The following DLGAP2 variants were observed in gnomAD, a reference collection of about 807,000 sequenced individuals.
DLGAP2 encodes disks large-associated protein 2.
In DLGAP2, 26 loss-of-function variants were observed where a neutral mutation model predicts 100.3. The observed-to-expected ratio is 0.26, with a 90% CI of 0.19 to 0.36. The LOEUF is 0.36. Among genes scored for constraint, DLGAP2 ranks in the 10% least tolerant of loss-of-function variants. The probability of loss-of-function intolerance (pLI) is 1.00; values close to 1 mark genes in which losing one functional copy is unlikely to be tolerated. For missense variants in DLGAP2, 1,858 were observed against 1,453.2 expected, an observed-to-expected ratio of 1.28 and a Z score of -4.53; for synonymous variants, 886 against 630.1, an observed-to-expected ratio of 1.41 and a Z score of -6.08.
At chr8:1,575,625 C>CA (rs1802937784) in intron 6 of DLGAP2, among the ~76,000 whole-genome samples, 1 of 99,658 alleles carries the variant, frequency 1.0e-5, no homozygotes, top group Non-Finnish European at 1.8e-5. Context: ...CCCCTCCCCC[C>CA]ACCCCATAAC....
chr8:867,603 G>T (rs1226142827), intron 1 of DLGAP2, among the ~76,000 whole-genome samples: 1 of 152,226 alleles, frequency 6.6e-6, no homozygotes, highest in Non-Finnish European at 1.5e-5. Context: ...ATCTGAGAAG[G>T]CTGTGGATCT....
At chr8:877,008 T>A (rs953983437) in intron 1 of DLGAP2, among the ~76,000 whole-genome samples, 8 of 151,902 alleles carry the variant, frequency 5.3e-5, no homozygotes, top group African/African-American at 9.7e-5. Context: ...GGTTTTTTTT[T>A]TTTTTATTTT....
intron 1 of DLGAP2, among the ~76,000 whole-genome samples, chr8:891,794 T>C (rs1422023888): frequency 6.6e-6 from 1 of 152,072 alleles, no homozygotes; most frequent in Non-Finnish European, 1.5e-5. Flanking sequence ...GGGGAGGGCC[T>C]GGGAGAGATT....
intron 5 of DLGAP2, among the ~76,000 whole-genome samples, chr8:1,552,266 C>T: frequency 6.6e-6 from 1 of 152,206 alleles, no homozygotes; most frequent in East Asian, 1.9e-4. Flanking sequence ...AGGGAGCAGC[C>T]ACGGCTTTCA....
chr8:1,420,770 T>C (rs950523672), intron 3 of DLGAP2, among the ~76,000 whole-genome samples: 1 of 152,126 alleles, frequency 6.6e-6, no homozygotes, highest in African/African-American at 2.4e-5. Context: ...CTTGTTAACT[T>C]GGCCCTCCCA....
In DLGAP2 at chr8:1,336,346, G is replaced by C. The variant is rs193066012; in HGVS notation, c.106+77463G>C. Among the ~76,000 whole-genome samples the C allele has an allele frequency of 2.6e-3, 403 of 152,364 alleles. 1 individual carries two copies. Among genetic ancestry groups the C allele is most frequent in the African/African-American group, 9.3e-3 (388 of 41,588 alleles). On this transcript the variant is annotated intron_variant, in intron 3 of 14. Coordinates refer to ENST00000637795, the MANE Select transcript of DLGAP2 (RefSeq NM_001346810.2). ...GAAGTGAAGAAGGGAGAGGGGTGGT[G>C]AGAGAAAGGAAGGAAAGAGCTGGAG...
At chr8:1,376,418 C>G (rs6558461) in intron 3 of DLGAP2, among the ~76,000 whole-genome samples, 52,190 of 152,190 alleles carry the variant, frequency 0.34, 9,405 homozygotes, top group Middle Eastern at 0.5. Context: ...CGCTGCATGG[C>G]CTCTGTGCCC....
intron 3 of DLGAP2, among the ~76,000 whole-genome samples, chr8:1,311,914 C>A (rs1800623080): frequency 6.6e-6 from 1 of 152,196 alleles, no homozygotes; most frequent in Non-Finnish European, 1.5e-5. Context: ...AAGACTGATA[C>A]AACTGCCAGG....
At chr8:1,578,726 A>G (rs187819196) in intron 6 of DLGAP2, among the ~76,000 whole-genome samples, 58 of 152,294 alleles carry the variant, frequency 3.8e-4, no homozygotes, top group Non-Finnish European at 6.6e-4. Flanking sequence ...ATACCCTGCT[A>G]TGTTCTCTAA....
At chr8:1,671,722 C>T (rs1332919589) in intron 10 of DLGAP2, among the ~76,000 whole-genome samples, 1 of 152,248 alleles carries the variant, frequency 6.6e-6, no homozygotes, top group Non-Finnish European at 1.5e-5. Flanking sequence ...CAGCTTAGAG[C>T]AGAAGCCAGC....
chr8:1,668,495 C>T lies in DLGAP2; in HGVS notation c.1977C>T (p.Gly659=). Residue 659 remains glycine, a synonymous_variant, in exon 9 of 15, where the codon GGC becomes GGT. Coordinates refer to ENST00000637795, the MANE Select transcript of DLGAP2 (RefSeq NM_001346810.2). ...CCCCGTGGCCCCAGGACAGCCGCGG[C>T]CTCTACAACTCCACGGACAGCCTGG... ...RMSPWPQDSR[G]LYNSTDSLDS... 6.3e-7 allele frequency: 1 copy of T among 1,593,998 alleles called. No individual in the cohort carries two copies. Among genetic ancestry groups the T allele is most frequent in the South Asian group, 1.1e-5 (1 of 87,720 alleles).
intron 2 of DLGAP2, among the ~76,000 whole-genome samples, chr8:1,139,150 G>C (rs1796477021): frequency 1.3e-5 from 2 of 152,346 alleles, no homozygotes; most frequent in South Asian, 4.1e-4. Flanking sequence ...CTGGCTGGGG[G>C]GATGTGGGCA....
chr8:1,542,332 C>T (rs953203919), intron 4 of DLGAP2, among the ~76,000 whole-genome samples: 1 of 152,232 alleles, frequency 6.6e-6, no homozygotes, highest in Non-Finnish European at 1.5e-5. Flanking sequence ...GTATGTGCAA[C>T]CATCGCTCTA....
chr8:1,554,095 C>T (rs1175315329), intron 5 of DLGAP2, among the ~76,000 whole-genome samples: 1 of 152,120 alleles, frequency 6.6e-6, no homozygotes, highest in East Asian at 1.9e-4. Flanking sequence ...CAAGACCAAC[C>T]TGGCCAAAAT....
rs182615901 is a variant in DLGAP2, at chr8:1,055,442, G to C, written c.73+147476G>C. On this transcript the variant is annotated intron_variant, in intron 2 of 14. Coordinates refer to ENST00000637795, the MANE Select transcript of DLGAP2 (RefSeq NM_001346810.2). ...TAAGATATCTAGGTTCCTTACCTAT[G>C]AATGTGTTAGGACTTTATCTGGTTT... Among the ~76,000 whole-genome samples the C allele has an allele frequency of 8.1e-4, 123 of 152,310 alleles. 1 individual carries two copies. The highest frequency in any genetic ancestry group is 2.8e-3 in the African/African-American group (118 of 41,556).
chr8:1,210,596 G>T (rs1798083495), intron 2 of DLGAP2, among the ~76,000 whole-genome samples: 1 of 152,198 alleles, frequency 6.6e-6, no homozygotes, highest in African/African-American at 2.4e-5. Context: ...GGCAGGTGGG[G>T]TATGGCATGG....
chr8:1,363,981 A>G (rs1483475321), intron 3 of DLGAP2, among the ~76,000 whole-genome samples: 2 of 152,134 alleles, frequency 1.3e-5, no homozygotes, highest in East Asian at 3.9e-4. Context: ...ATGCCTCCCC[A>G]GCCCCTCATC....
At chr8:1,275,075 G>C (rs1799655845) in intron 3 of DLGAP2, among the ~76,000 whole-genome samples, 1 of 152,140 alleles carries the variant, frequency 6.6e-6, no homozygotes. Context: ...TCCAGCCCAG[G>C]CAGAGAGGAT....
chr8:1,209,244 T>C (rs981042282), intron 2 of DLGAP2, among the ~76,000 whole-genome samples: 33 of 152,130 alleles, frequency 2.2e-4, no homozygotes, highest in African/African-American at 8.0e-4. Flanking sequence ...TTACCCAACT[T>C]CAAACTATAC....
Sources: allele counts gnomAD v4.1 joint callset (sites outside exome capture counted in the v4.1 genomes callset), GRCh38; gene constraint gnomAD v4.1.1; transcripts MANE v1.5; gene names NCBI Gene and HGNC (gene_info 2026-07-23, HGNC 2026-07-21).